ADAMTS2: variants seen among roughly 807,000 people sequenced by gnomAD.
The protein encoded by ADAMTS2 is A disintegrin and metalloproteinase with thrombospondin motifs 2.
ADAMTS2 carries 50 observed loss-of-function variants against 123.0 expected under a neutral mutation model. The ratio of observed to expected loss-of-function variants is 0.41; its 90% CI spans 0.32 to 0.51. The LOEUF (loss-of-function observed/expected upper bound fraction) is 0.51. ADAMTS2 is among the 20% of genes least tolerant of loss of function. The pLI, the probability that ADAMTS2 is intolerant of heterozygous loss-of-function variation, is 0.35. For missense variants in ADAMTS2, 1,494 were observed against 1,705.2 expected (o/e 0.88, Z 2.18); for synonymous variants, 678 against 695.4 (o/e 0.98, Z 0.39).
At chr5:179,264,728 G>C (rs1160537501) in intron 3 of ADAMTS2, among the ~76,000 whole-genome samples, 2 of 152,212 alleles carry the variant, frequency 1.3e-5, no homozygotes, top group Non-Finnish European at 2.9e-5. Context: ...TGAGCACTGG[G>C]CAGGCGCCCT....
At chr5:179,121,871 C>CG in intron 20 of ADAMTS2, 121 bp from the exon 21 acceptor site, 2 of 624,840 alleles carry the variant, frequency 3.2e-6, no homozygotes, top group Non-Finnish European at 5.3e-6. Context: ...CTCGCCTCCC[C>CG]GGGCGGACAA....
At chr5:179,258,128 G>T (rs559407374) in intron 3 of ADAMTS2, among the ~76,000 whole-genome samples, 1 of 152,266 alleles carries the variant, frequency 6.6e-6, no homozygotes, top group South Asian at 2.1e-4. Flanking sequence ...GCCTTCCTGG[G>T]GCCAGTGTTA....
intron 5 of ADAMTS2, among the ~76,000 whole-genome samples, chr5:179,179,612 C>T (rs1764001883): frequency 6.6e-6 from 1 of 152,100 alleles, no homozygotes; most frequent in South Asian, 2.1e-4. Context: ...TAGGTTTTTG[C>T]CAATTTCCCC....
At chr5:179,226,567 G>A (rs545308037) in intron 3 of ADAMTS2, among the ~76,000 whole-genome samples, 4 of 151,822 alleles carry the variant, frequency 2.6e-5, no homozygotes, top group South Asian at 2.1e-4. Flanking sequence ...ATGAGCCACC[G>A]AGCAGCTTTT....
chr5:179,157,556 C>T (rs1763500314), intron 6 of ADAMTS2, among the ~76,000 whole-genome samples: 1 of 148,560 alleles, frequency 6.7e-6, no homozygotes, highest in Admixed American at 6.7e-5. Context: ...CTCGCTCTGT[C>T]ACCCAGGCTG....
In ADAMTS2 at chr5:179,262,647, A is replaced by T. The variant is rs1441066827; in HGVS notation, c.688+10264T>A. ...TCCCTCTGCCTGGAACACCCTTCCC[A>T]GGGCTGGGCTTTCCCATCATCACCA... On this transcript the variant is annotated intron_variant, in intron 3 of 21. Coordinates refer to ENST00000251582, the MANE Select transcript of ADAMTS2 (RefSeq NM_014244.5). This position sits in a 1 kb window ranked among gnomAD's most constrained non-coding sequence, Gnocchi z 5.9. 6.6e-6 allele frequency among the ~76,000 whole-genome samples: 1 copy of T among 152,144 alleles called. No homozygotes were observed. Among genetic ancestry groups the T allele is most frequent in the African/African-American group, 2.4e-5 (1 of 41,418 alleles).
At chr5:179,293,879 C>A (rs1756257239) in intron 2 of ADAMTS2, among the ~76,000 whole-genome samples, 1 of 151,968 alleles carries the variant, frequency 6.6e-6, no homozygotes, top group African/African-American at 2.4e-5. Context: ...GCCCTGGCTT[C>A]CCAAAATGCT....
At chr5:179,257,255 T>C (rs1189715584) in intron 3 of ADAMTS2, among the ~76,000 whole-genome samples, 5 of 152,192 alleles carry the variant, frequency 3.3e-5, no homozygotes, top group Admixed American at 3.3e-4. Flanking sequence ...TCCCGGGATA[T>C]TGCCTAGAAC....
intron 4 of ADAMTS2, among the ~76,000 whole-genome samples, chr5:179,182,786 G>T (rs1581172870): frequency 6.6e-6 from 1 of 152,264 alleles, no homozygotes; most frequent in Non-Finnish European, 1.5e-5. Flanking sequence ...GAGCGTGGCT[G>T]GTCACCGTGG....
intron 3 of ADAMTS2, among the ~76,000 whole-genome samples, chr5:179,236,430 C>T (rs753586821): frequency 6.6e-6 from 1 of 152,172 alleles, no homozygotes; most frequent in Admixed American, 6.5e-5. Flanking sequence ...CAAGCAATAT[C>T]AATGAAAGCC....
intron 4 of ADAMTS2, among the ~76,000 whole-genome samples, chr5:179,182,284 C>A (rs1038946288): frequency 1.3e-5 from 2 of 152,220 alleles, no homozygotes; most frequent in Non-Finnish European, 2.9e-5. Context: ...GCCATTGGCA[C>A]CATCAAGAAG....
At chr5:179,121,147 C>T (rs1288203340) in intron 21 of ADAMTS2, 3 of 152,344 alleles carry the variant, frequency 2.0e-5, no homozygotes, top group South Asian at 2.1e-4. Context: ...ACCGGACCCC[C>T]GCAGGACAGG....
intron 2 of ADAMTS2, among the ~76,000 whole-genome samples, chr5:179,297,825 C>T (rs896851754): frequency 2.6e-5 from 4 of 152,180 alleles, no homozygotes; most frequent in African/African-American, 9.7e-5. Context: ...GCCTCCTCCT[C>T]TCTAAAGTCC....
At chr5:179,167,012 G>A (rs1295603428) in intron 5 of ADAMTS2, among the ~76,000 whole-genome samples, 3 of 152,240 alleles carry the variant, frequency 2.0e-5, no homozygotes, top group Admixed American at 6.5e-5. Flanking sequence ...CTGCGGGGAC[G>A]TTCTCGGGAG....
chr5:179,191,555 G>A (rs1221998102), intron 4 of ADAMTS2, among the ~76,000 whole-genome samples: 1 of 144,040 alleles, frequency 6.9e-6, no homozygotes, highest in African/African-American at 2.5e-5. Context: ...AAGAGGGAAG[G>A]AAAATGCCGC....
Position 179,344,058 on chromosome 5 carries a change from T to C in ADAMTS2, c.243A>G (p.Arg81=). 6.2e-7 allele frequency: 1 copy of C among 1,612,140 alleles called. No homozygotes were observed. Among genetic ancestry groups the C allele is most frequent in the Non-Finnish European group, 8.5e-7 (1 of 1,179,670 alleles). ...VSHVVSAATS[R]AGVRARRAAP... ...CGGCCCTGCGGGCTCGTACCCCTGC[T>C]CTGGACGTAGCTGCCGACACCACGT... The change falls in exon 2 of 22, where the codon AGA becomes AGG. Residue 81 remains arginine (R), a synonymous_variant. Transcript: ENST00000251582.
chr5:179,159,403 T>C (rs1763554267), intron 5 of ADAMTS2, among the ~76,000 whole-genome samples: 1 of 152,084 alleles, frequency 6.6e-6, no homozygotes, highest in African/African-American at 2.4e-5. Context: ...ACCAACACAA[T>C]GGAGGAAAAG....
intron 15 of ADAMTS2, among the ~76,000 whole-genome samples, chr5:179,131,366 T>G (rs1483516532): frequency 7.4e-6 from 1 of 135,014 alleles, no homozygotes; most frequent in African/African-American, 2.8e-5. Flanking sequence ...GAGAGTGAGA[T>G]CCTGTCTCTA....
intron 4 of ADAMTS2, among the ~76,000 whole-genome samples, chr5:179,195,106 C>T (rs73329710): frequency 0.016 from 2,456 of 152,318 alleles, 82 homozygotes; most frequent in African/African-American, 0.055. Flanking sequence ...CCTGATGAAC[C>T]AAGGTGTAAT....
Sources: allele counts gnomAD v4.1 joint callset (sites outside exome capture counted in the v4.1 genomes callset), GRCh38; gene constraint gnomAD v4.1.1; non-coding constraint Gnocchi (gnomAD v3.1); transcripts MANE v1.5; gene names NCBI Gene and HGNC (gene_info 2026-07-23, HGNC 2026-07-21).